The following STMN1 variants were observed in gnomAD, a reference collection of about 807,000 sequenced individuals.
STMN1 encodes the protein stathmin.
Under a neutral mutation model 19.7 loss-of-function variants are expected in STMN1, and 3 were observed. That is an observed-to-expected ratio of 0.15 (90% CI 0.07 to 0.39). The LOEUF is 0.39. Among genes scored for constraint, STMN1 ranks in the 10% least tolerant of loss-of-function variants. The pLI, the probability that STMN1 is intolerant of heterozygous loss-of-function variation, is 1.00. For missense variants in STMN1, 99 were observed against 176.0 expected (o/e 0.56, Z 2.48); for synonymous variants, 59 against 58.9 (o/e 1.00, Z -0.01).
chr1:25,892,572 G>C, intron 4 of STMN1: 3 of 982,586 alleles, frequency 3.1e-6, no homozygotes, highest in South Asian at 9.4e-5. Context: ...CCGCTGAGCC[G>C]CTGAGGGTCC....
At chr1:25,893,460 G>A (rs955687211) in intron 4 of STMN1, among the ~76,000 whole-genome samples, 12 of 152,276 alleles carry the variant, frequency 7.9e-5, no homozygotes, top group African/African-American at 2.6e-4. Flanking sequence ...AAGCAGCTCA[G>A]GGCAGGCACA....
At chr1:25,904,759 C>T (rs2048917647) in intron 1 of STMN1, 21 bp from the exon 2 acceptor site, 1 of 1,586,912 alleles carries the variant, frequency 6.3e-7, no homozygotes, top group Non-Finnish European at 8.6e-7. Flanking sequence ...TTTTCAAAAA[C>T]ATGCAATCAC....
chr1:25,904,260 A>T (rs1281382027), intron 2 of STMN1, among the ~76,000 whole-genome samples: 1 of 152,148 alleles, frequency 6.6e-6, no homozygotes, highest in Non-Finnish European at 1.5e-5. Flanking sequence ...TCCAGAAGTC[A>T]AGGCTGCAAT....
downstream of STMN1, among the ~76,000 whole-genome samples, chr1:25,899,072 G>A (rs1557481926): frequency 6.6e-6 from 1 of 152,202 alleles, no homozygotes; most frequent in South Asian, 2.1e-4. Flanking sequence ...AGTTTCCTGT[G>A]ACTTAAGCCT....
At position 25,901,002 on chromosome 1, in the gene STMN1, G is replaced by A. The variant is rs746861806; in HGVS notation, c.*14C>T. 1 of 1,608,196 alleles carries A rather than the reference G, an allele frequency of 6.2e-7. No individual in the cohort carries two copies. On this transcript the variant is annotated 3_prime_UTR_variant, in exon 5 of 5. Coordinates refer to ENST00000455785, the MANE Select transcript of STMN1 (RefSeq NM_005563.4). ...TAGGAAGGGGATGGGGAGAAAGTCA[G>A]TTCTCAGAACAAATTAGTCAGCTTC...
chr1:25,885,986 A>C, intron 4 of STMN1: 1 of 1,343,812 alleles, frequency 7.4e-7, no homozygotes, highest in South Asian at 1.7e-5. Flanking sequence ...TACAAATGGA[A>C]TCATCCAGGG....
intron 4 of STMN1, among the ~76,000 whole-genome samples, chr1:25,886,601 T>TTG (rs2048723252): frequency 6.8e-6 from 1 of 148,100 alleles, no homozygotes; most frequent in African/African-American, 2.5e-5. Context: ...TTTTTTTTTT[T>TTG]GGTGGGGGAT....
chr1:25,894,703 G>A (rs1332892704), intron 4 of STMN1, among the ~76,000 whole-genome samples: 1 of 152,074 alleles, frequency 6.6e-6, no homozygotes, highest in African/African-American at 2.4e-5. Context: ...AGACACTGGG[G>A]CTCCAATTTT....
chr1:25,901,106 G>C lies in STMN1; in HGVS notation c.379-19C>G. ...GCTTATCCTGTAAAGGAAGGGTAAGGTGTCATCAGTCAAAAAAAAAAAAAA... is the reference window on the plus strand; with the variant it reads ...GCTTATCCTGTAAAGGAAGGGTAAGCTGTCATCAGTCAAAAAAAAAAAAAA... On this transcript the variant is annotated intron_variant, in intron 4 of 4. Coordinates refer to ENST00000455785, the MANE Select transcript of STMN1 (RefSeq NM_005563.4). The C allele has an allele frequency of 7.0e-7, 1 of 1,433,844 alleles. No individual in the cohort carries two copies. The highest frequency in any genetic ancestry group is 9.5e-7 in the Non-Finnish European group (1 of 1,054,018). 88.8% of individuals were successfully genotyped at this position (1,433,844 alleles called of 1,614,324 possible). A position where few individuals can be genotyped will look rare whatever the true frequency, so the allele number is the denominator to read the frequency against.
At chr1:25,890,361 G>C (rs924782275) in intron 4 of STMN1, among the ~76,000 whole-genome samples, 2 of 152,208 alleles carry the variant, frequency 1.3e-5, no homozygotes, top group African/African-American at 2.4e-5. Context: ...CTTCTGAAAG[G>C]TCAGAGGGCT....
chr1:25,893,769 G>T (rs2048796238), intron 4 of STMN1, among the ~76,000 whole-genome samples: 1 of 152,194 alleles, frequency 6.6e-6, no homozygotes, highest in South Asian at 2.1e-4. Context: ...TCAAACTCCT[G>T]ACCTCAGGTG....
exon 5 of STMN1, chr1:25,885,671 T>TC: frequency 6.6e-7 from 1 of 1,504,386 alleles, no homozygotes. Flanking sequence ...GCCAGACTGT[T>TC]CATCAGTCTC....
At chr1:25,897,709 C>G (rs1028106821), downstream of STMN1, among the ~76,000 whole-genome samples, 4 of 152,134 alleles carry the variant, frequency 2.6e-5, no homozygotes, top group Admixed American at 6.5e-5. Flanking sequence ...GAGCAGCCCC[C>G]CTTCCTGTGC....
chr1:25,890,653 A>T (rs948966006), intron 4 of STMN1, among the ~76,000 whole-genome samples: 1 of 152,174 alleles, frequency 6.6e-6, no homozygotes, highest in South Asian at 2.1e-4. Flanking sequence ...CTCTCTGGCC[A>T]CTAGAGCCAG....
downstream of STMN1, among the ~76,000 whole-genome samples, chr1:25,899,115 A>G (rs765279008): frequency 2.0e-4 from 31 of 152,178 alleles, no homozygotes; most frequent in African/African-American, 4.6e-4. Flanking sequence ...TCGCCCTCTG[A>G]TAGGAAGTCA....
chr1:25,886,576 C>T lies in STMN1; in HGVS notation c.379-707G>A, dbSNP rs1007601633. 3.5e-5 allele frequency among the ~76,000 whole-genome samples: 5 copies of T among 142,958 alleles called. No homozygotes were observed. The South Asian group carries it at 7.0e-4, about 20-fold the overall frequency. The allele number at this position is 142,958 out of a possible 152,430, so 93.8% of individuals were successfully genotyped here. ...GCTCCCTTTGTCTGGAACACCCCCA[C>T]CACTTTTTTTTTTTTTTTTTTTTTT... On this transcript the variant is annotated intron_variant, in intron 4 of 4. Transcript: ENST00000426559.
intron 4 of STMN1, among the ~76,000 whole-genome samples, chr1:25,892,050 A>T (rs2048780489): frequency 6.6e-6 from 1 of 152,236 alleles, no homozygotes; most frequent in African/African-American, 2.4e-5. Flanking sequence ...ATCTCTGCCC[A>T]TTCTTATGCT....
At chr1:25,901,302 A>G in intron 4 of STMN1, 189 bp downstream of exon 4, 1 of 1,128,894 alleles carries the variant, frequency 8.9e-7, no homozygotes, top group African/African-American at 1.6e-5. Context: ...CTGGACTTCC[A>G]AGGACTGTGC....
chr1:25,895,230 G>A (rs557965713), downstream of STMN1, among the ~76,000 whole-genome samples: 1 of 151,210 alleles, frequency 6.6e-6, no homozygotes, highest in South Asian at 2.1e-4. Flanking sequence ...AGCCTCCCGA[G>A]TAGCTGGGAC....
Sources: allele counts gnomAD v4.1 joint callset (sites outside exome capture counted in the v4.1 genomes callset), GRCh38; gene constraint gnomAD v4.1.1; transcripts MANE v1.5; gene names NCBI Gene and HGNC (gene_info 2026-07-23, HGNC 2026-07-21).